SETX: variants seen among roughly 807,000 people sequenced by gnomAD.
SETX encodes the protein helicase senataxin.
A neutral mutation model predicts 227.2 loss-of-function variants in SETX; 90 were observed. The ratio of observed to expected loss-of-function variants is 0.40; its 90% CI spans 0.33 to 0.47. The LOEUF is 0.47. SETX is among the 20% of genes least tolerant of loss of function. The pLI, the probability that SETX is intolerant of heterozygous loss-of-function variation, is 0.91. For missense variants in SETX, 3,052 were observed against 3,181.5 expected (o/e 0.96, Z 0.98); for synonymous variants, 1,210 against 1,113.2 (o/e 1.09, Z -1.73).
chr9:132,285,172 T>C lies in SETX; in HGVS notation c.6396+1251A>G, dbSNP rs540165428. Among the ~76,000 whole-genome samples, 58 of 152,178 alleles carry C rather than the reference T, an allele frequency of 3.8e-4. No individual in the cohort carries two copies. In the South Asian group the frequency reaches 5.6e-3, roughly 15 times the overall value. On this transcript the variant is annotated intron_variant, in intron 18 of 25. Coordinates refer to ENST00000224140, the MANE Select transcript of SETX (RefSeq NM_015046.7). ...GAGTACAGGCGTGAGCCACCGCGCCTGGCCAAAGCTATTTTCATTAACTGT... is the reference window on the plus strand; with the variant it reads ...GAGTACAGGCGTGAGCCACCGCGCCCGGCCAAAGCTATTTTCATTAACTGT...
chr9:132,332,880 C>T (rs948612716), intron 7 of SETX, among the ~76,000 whole-genome samples: 5 of 114,756 alleles, frequency 4.4e-5, no homozygotes, highest in Non-Finnish European at 7.5e-5. Flanking sequence ...CTGATTGAGC[C>T]ACTCCAGGGT....
intron 21 of SETX, 114 bp downstream of exon 21, chr9:132,277,956 C>A: frequency 2.9e-6 from 3 of 1,019,600 alleles, no homozygotes; most frequent in Non-Finnish European, 4.5e-6. Context: ...AAATTATTAA[C>A]CCTTCATGAT....
intron 5 of SETX, among the ~76,000 whole-genome samples, chr9:132,341,164 T>G (rs748594423): frequency 6.6e-6 from 1 of 152,124 alleles, no homozygotes; most frequent in Admixed American, 6.5e-5. Flanking sequence ...CTGGCCAACC[T>G]GGTGAAACCC....
intron 7 of SETX, among the ~76,000 whole-genome samples, chr9:132,333,446 C>A (rs1310195648): frequency 7.0e-6 from 1 of 142,206 alleles, no homozygotes; most frequent in East Asian, 2.0e-4. Context: ...CACACACACA[C>A]ACACACACAC....
rs1554801479 is a variant in SETX at position 132,264,562 on chromosome 9, G to A, written c.7711C>T (p.Pro2571Ser). Reference protein sequence around the residue: ...SSPQHPGATPPTGEPGFPVVH... With the variant: ...SSPQHPGATPSTGEPGFPVVH... Reference sequence around the variant, plus strand: ...ACAGGGAAGCCCGGCTCGCCCGTAGGAGGTGTTGCTCCAGGATGCTGGGGG... The same window carrying A: ...ACAGGGAAGCCCGGCTCGCCCGTAGAAGGTGTTGCTCCAGGATGCTGGGGG... Residue 2571 changes from proline (P) to serine (S), a missense_variant, in exon 26 of 26, where the codon CCT (proline) becomes TCT (serine). This residue lies in a region of SETX where 294 missense variants were observed against 278.8 expected (regional missense o/e 1.05). Coordinates refer to ENST00000224140, the MANE Select transcript of SETX (RefSeq NM_015046.7). 3.7e-6 allele frequency: 6 copies of A among 1,614,120 alleles called. No homozygotes were observed. Among genetic ancestry groups the A allele is most frequent in the South Asian group, 1.1e-5 (1 of 91,082 alleles).
At position 132,300,204 on chromosome 9, in the gene SETX, T is replaced by C. The variant is rs929755978; in HGVS notation, c.5548+426A>G. 3.4e-4 allele frequency among the ~76,000 whole-genome samples: 51 copies of C among 149,290 alleles called. 1 individual carries two copies. Among genetic ancestry groups the C allele is most frequent in the African/African-American group, 1.2e-3 (47 of 40,700 alleles). Reference sequence around the variant, plus strand: ...CTGGTATTCATTAAATTTAGGCTAATATTTTTGTTATTAAATTACCTAGGG... The same window carrying C: ...CTGGTATTCATTAAATTTAGGCTAACATTTTTGTTATTAAATTACCTAGGG... On this transcript the variant is annotated intron_variant, in intron 12 of 25. Transcript: ENST00000224140.
chr9:132,321,313 A>C (rs1199554233), intron 10 of SETX, among the ~76,000 whole-genome samples: 2 of 152,132 alleles, frequency 1.3e-5, no homozygotes, highest in Admixed American at 6.5e-5. Flanking sequence ...TGAGGTCAGG[A>C]GTTTGAGACC....
chr9:132,286,076 G>A lies in SETX; in HGVS notation c.6396+347C>T, dbSNP rs547487156. 5.3e-5 allele frequency among the ~76,000 whole-genome samples: 8 copies of A among 151,570 alleles called. No homozygotes were observed. The South Asian group carries it at 8.3e-4, about 16-fold the overall frequency. On this transcript the variant is annotated intron_variant, in intron 18 of 25. Transcript: ENST00000224140. Reference sequence around the variant, plus strand: ...CACACGCCTGTAATCCTAGCTACTCGGGAGGCTGAGGCAGGAGAATCGCTT... The same window carrying A: ...CACACGCCTGTAATCCTAGCTACTCAGGAGGCTGAGGCAGGAGAATCGCTT...
intron 1 of SETX, among the ~76,000 whole-genome samples, chr9:132,354,130 A>G (rs994053354): frequency 1.3e-5 from 2 of 152,086 alleles, no homozygotes; most frequent in African/African-American, 2.4e-5. Flanking sequence ...GGTCGTGCAA[A>G]TTGCTGGGCA....
At chr9:132,309,620 C>T (rs547657405) in intron 11 of SETX, among the ~76,000 whole-genome samples, 1 of 152,022 alleles carries the variant, frequency 6.6e-6, no homozygotes, top group East Asian at 1.9e-4. Flanking sequence ...ACAGGAGGAT[C>T]ACTTGAGACC....
At chr9:132,291,600 G>C (rs1035309203) in intron 15 of SETX, among the ~76,000 whole-genome samples, 3 of 152,114 alleles carry the variant, frequency 2.0e-5, no homozygotes, top group Non-Finnish European at 4.4e-5. Context: ...TAAGCTCAGG[G>C]GAATGTTAAG....
chr9:132,348,847 G>C (rs984802302), intron 3 of SETX, among the ~76,000 whole-genome samples: 6 of 152,042 alleles, frequency 3.9e-5, no homozygotes, highest in Admixed American at 6.5e-5. Context: ...AGGATGGCTT[G>C]AGTCCAGAAG....
intron 5 of SETX, among the ~76,000 whole-genome samples, chr9:132,340,934 G>A (rs914670861): frequency 3.9e-5 from 6 of 152,302 alleles, no homozygotes; most frequent in Non-Finnish European, 8.8e-5. Flanking sequence ...AATGCTCTGA[G>A]AGGTAATTCC....
chr9:132,351,188 T>G (rs911713403), intron 2 of SETX, among the ~76,000 whole-genome samples: 24 of 152,090 alleles, frequency 1.6e-4, no homozygotes, highest in Admixed American at 3.9e-4. Context: ...ATATGGAAAG[T>G]GAACTTAGAA....
chr9:132,302,840 A>G (rs73547044), intron 11 of SETX, among the ~76,000 whole-genome samples: 5,880 of 152,166 alleles, frequency 0.039, 395 homozygotes, highest in African/African-American at 0.14. Flanking sequence ...AGACTGTGGT[A>G]TTGGTGGAAG....
chr9:132,319,763 C>T (rs1381604784), intron 10 of SETX, among the ~76,000 whole-genome samples: 1 of 152,182 alleles, frequency 6.6e-6, no homozygotes, highest in African/African-American at 2.4e-5. Flanking sequence ...CATAGCCATA[C>T]CACCCTAAAT....
rs1842452716 is a variant in SETX, at chr9:132,262,563, C to T, written c.*1676G>A. On this transcript the variant is annotated 3_prime_UTR_variant, in exon 26 of 26. Coordinates refer to ENST00000224140, the MANE Select transcript of SETX (RefSeq NM_015046.7). ...GCCAAAGACAAACTCTCCACCCCCA[C>T]AGAGGAAGCAGTGGCTGACTCTGGG... 6.6e-6 allele frequency: 1 copy of T among 152,614 alleles called. No homozygotes were observed. Among genetic ancestry groups the T allele is most frequent in the Non-Finnish European group, 1.5e-5 (1 of 68,082 alleles). 9.5% of individuals were successfully genotyped at this position (152,614 alleles called of 1,614,324 possible).
intron 11 of SETX, among the ~76,000 whole-genome samples, chr9:132,304,213 T>C (rs1845191770): frequency 6.6e-6 from 1 of 152,112 alleles, no homozygotes; most frequent in South Asian, 2.1e-4. Flanking sequence ...AAAATCAGAA[T>C]ACAGCATACA....
intron 7 of SETX, among the ~76,000 whole-genome samples, chr9:132,333,752 T>G (rs1328877681): frequency 6.6e-6 from 1 of 152,086 alleles, no homozygotes; most frequent in Non-Finnish European, 1.5e-5. Context: ...ATCTAGACTA[T>G]CTGGAGCAGC....
Sources: gnomAD v4.1 joint callset for allele counts (sites outside exome capture counted in the v4.1 genomes callset) on GRCh38, gnomAD v4.1.1 for gene constraint, gnomAD v4.1.1 regional missense constraint, MANE v1.5 for transcripts, NCBI Gene and HGNC (gene_info 2026-07-23, HGNC 2026-07-21) for gene names.